NRG2: variants seen among roughly 807,000 people sequenced by gnomAD.
NRG2 encodes the protein pro-neuregulin-2, membrane-bound isoform.
Under a neutral mutation model 73.9 loss-of-function variants are expected in NRG2, and 27 were observed. The ratio of observed to expected loss-of-function variants is 0.37; its 90% CI spans 0.27 to 0.50. The LOEUF is 0.50. Among genes scored for constraint, NRG2 ranks in the 20% least tolerant of loss-of-function variants. The pLI is 0.96. For missense variants in NRG2, 1,126 were observed against 1,210.1 expected (o/e 0.93, Z 1.03); for synonymous variants, 532 against 541.0 (o/e 0.98, Z 0.23).
chr5:139,883,547 G>A (rs868440284), intron 2 of NRG2, among the ~76,000 whole-genome samples: 21 of 152,154 alleles, frequency 1.4e-4, no homozygotes, highest in African/African-American at 4.8e-4. Flanking sequence ...CCCAGACAGA[G>A]TGCGGCCCGG....
At chr5:139,994,736 C>T (rs766875750) in intron 1 of NRG2, among the ~76,000 whole-genome samples, 2 of 152,084 alleles carry the variant, frequency 1.3e-5, no homozygotes, top group Non-Finnish European at 2.9e-5. Context: ...AATCACTGTG[C>T]ACTCAAGAGG....
chr5:140,016,724 A>G (rs1438048892), intron 1 of NRG2, among the ~76,000 whole-genome samples: 15 of 152,268 alleles, frequency 9.9e-5, no homozygotes, highest in Non-Finnish European at 4.4e-5. Flanking sequence ...TTAAGGAAGT[A>G]ACATCTGAGC....
chr5:139,887,593 G>A lies in NRG2; in HGVS notation c.701-82C>T. ...TGAGTAGTGGAGAGTAAGGGCCACT[G>A]TCTTTGGGCTGGAACTGGGGAAGGG... On this transcript the variant is annotated intron_variant, in intron 1 of 9. Coordinates refer to ENST00000361474, the MANE Select transcript of NRG2 (RefSeq NM_004883.3). The surrounding 1 kb of genome is among the most constrained non-coding windows in gnomAD (Gnocchi z 4.5). The A allele has an allele frequency of 1.5e-6, 2 of 1,303,274 alleles. No homozygotes were observed. Among genetic ancestry groups the A allele is most frequent in the East Asian group, 2.5e-5 (1 of 40,658 alleles). The allele number at this position is 1,303,274 out of a possible 1,614,324, so 80.7% of individuals were successfully genotyped here. A position where few individuals can be genotyped will look rare whatever the true frequency, so the allele number is the denominator to read the frequency against.
At chr5:140,038,435 G>A (rs191811728) in intron 1 of NRG2, among the ~76,000 whole-genome samples, 1 of 152,306 alleles carries the variant, frequency 6.6e-6, no homozygotes, top group East Asian at 1.9e-4. Flanking sequence ...ACACTAATCA[G>A]CACAATGATT....
intron 3 of NRG2, among the ~76,000 whole-genome samples, chr5:139,880,528 A>T (rs926406638): frequency 2.1e-4 from 32 of 152,198 alleles, no homozygotes; most frequent in African/African-American, 7.7e-4. Context: ...CTCTCCCTGC[A>T]GCCCCACTCC....
intron 1 of NRG2, among the ~76,000 whole-genome samples, chr5:139,962,381 T>C (rs1294600773): frequency 1.3e-5 from 2 of 152,164 alleles, no homozygotes; most frequent in African/African-American, 4.8e-5. Flanking sequence ...GGCTCAAAAC[T>C]ATCGGGACAG....
At chr5:139,959,455 C>T (rs926333511) in intron 1 of NRG2, among the ~76,000 whole-genome samples, 1 of 152,240 alleles carries the variant, frequency 6.6e-6, no homozygotes, top group African/African-American at 2.4e-5. Flanking sequence ...TGGCTCACCA[C>T]AACCTCTGCC....
chr5:139,910,343 C>A (rs1765495265), intron 1 of NRG2, among the ~76,000 whole-genome samples: 1 of 152,176 alleles, frequency 6.6e-6, no homozygotes, highest in Non-Finnish European at 1.5e-5. Context: ...AGAATTGTGC[C>A]TGGCTGCTCA....
At chr5:140,040,416 T>C (rs1258119520) in intron 1 of NRG2, among the ~76,000 whole-genome samples, 3 of 152,218 alleles carry the variant, frequency 2.0e-5, no homozygotes, top group African/African-American at 7.2e-5. Flanking sequence ...AAATCTTTCA[T>C]GATTTCTGCA....
chr5:140,034,328 C>A (rs950148321), intron 1 of NRG2, among the ~76,000 whole-genome samples: 1 of 149,570 alleles, frequency 6.7e-6, no homozygotes, highest in Non-Finnish European at 1.5e-5. Context: ...AGTTTTGGGT[C>A]GACTTTTTTT....
At chr5:139,931,394 G>A (rs1382130271) in intron 1 of NRG2, among the ~76,000 whole-genome samples, 1 of 152,130 alleles carries the variant, frequency 6.6e-6, no homozygotes, top group Non-Finnish European at 1.5e-5. Context: ...CAATCATCAG[G>A]GAAGTCAACA....
chr5:139,864,507 C>T (rs1762354573), intron 5 of NRG2, among the ~76,000 whole-genome samples: 1 of 151,552 alleles, frequency 6.6e-6, no homozygotes, highest in South Asian at 2.1e-4. Context: ...AGAGAGTCAC[C>T]AGTTACCCCT....
At chr5:139,899,657 G>T (rs1764753250) in intron 1 of NRG2, among the ~76,000 whole-genome samples, 1 of 152,184 alleles carries the variant, frequency 6.6e-6, no homozygotes, top group South Asian at 2.1e-4. Context: ...CAAGCTCCTT[G>T]TGAGGGCAGG....
At chr5:139,948,207 A>C (rs149720574) in intron 1 of NRG2, among the ~76,000 whole-genome samples, 20 of 148,056 alleles carry the variant, frequency 1.4e-4, no homozygotes, top group Non-Finnish European at 2.8e-4. Flanking sequence ...ATTTAGCATA[A>C]TGTCAATGAA....
chr5:139,984,876 G>A (rs1409403503), intron 1 of NRG2, among the ~76,000 whole-genome samples: 5 of 152,108 alleles, frequency 3.3e-5, no homozygotes, highest in Admixed American at 2.6e-4. Flanking sequence ...CTCCACAGAT[G>A]ACTGCTTTTC....
At chr5:139,931,023 C>T (rs1008191807) in intron 1 of NRG2, among the ~76,000 whole-genome samples, 14 of 152,212 alleles carry the variant, frequency 9.2e-5, no homozygotes, top group African/African-American at 3.1e-4. Flanking sequence ...TTTGAATGCT[C>T]GCCTAGTCAT....
intron 1 of NRG2, among the ~76,000 whole-genome samples, chr5:139,956,087 A>G (rs1401046913): frequency 6.6e-6 from 1 of 152,168 alleles, no homozygotes; most frequent in East Asian, 1.9e-4. Flanking sequence ...AGGCTGGTGA[A>G]GGAAGCTCAA....
At chr5:139,956,520 G>A (rs1448416358) in intron 1 of NRG2, among the ~76,000 whole-genome samples, 1 of 152,172 alleles carries the variant, frequency 6.6e-6, no homozygotes, top group Non-Finnish European at 1.5e-5. Context: ...AGGGTCCCCA[G>A]CGCAGGCTTC....
intron 1 of NRG2, among the ~76,000 whole-genome samples, chr5:139,988,236 T>G (rs2126583476): frequency 6.6e-6 from 1 of 152,140 alleles, no homozygotes; most frequent in East Asian, 1.9e-4. Context: ...TGGAAGATAG[T>G]TTGACAGTTT....
Sources: gnomAD v4.1 joint callset for allele counts (sites outside exome capture counted in the v4.1 genomes callset) on GRCh38, gnomAD v4.1.1 for gene constraint, Gnocchi (gnomAD v3.1) non-coding constraint, MANE v1.5 for transcripts, NCBI Gene and HGNC (gene_info 2026-07-23, HGNC 2026-07-21) for gene names.